The following GRIK2 variants were observed in gnomAD, a reference collection of about 807,000 sequenced individuals.
GRIK2 encodes the protein glutamate ionotropic receptor kainate type subunit 2.
A neutral mutation model predicts 100.3 loss-of-function variants in GRIK2; 32 were observed. The ratio of observed to expected loss-of-function variants is 0.32; its 90% CI spans 0.24 to 0.43. The LOEUF is 0.43. GRIK2 is among the 20% of genes least tolerant of loss of function. The pLI is 1.00. For synonymous variants in GRIK2, 417 were observed against 389.4 expected, an observed-to-expected ratio of 1.07 and a Z score of -0.83; for missense variants, 843 against 1,114.9, an observed-to-expected ratio of 0.76 and a Z score of 3.47.
At chr6:101,609,739 A>G (rs1332721676) in intron 2 of GRIK2, among the ~76,000 whole-genome samples, 1 of 151,864 alleles carries the variant, frequency 6.6e-6, no homozygotes, top group Non-Finnish European at 1.5e-5. Context: ...CCGATAAGTC[A>G]AAGAAGAGTA....
At chr6:101,633,137 A>G (rs1397781909) in intron 4 of GRIK2, among the ~76,000 whole-genome samples, 1 of 152,110 alleles carries the variant, frequency 6.6e-6, no homozygotes, top group African/African-American at 2.4e-5. Flanking sequence ...TTGTACTACC[A>G]AGTCCACCTT....
chr6:101,677,697 G>A (rs1770941074), intron 5 of GRIK2, among the ~76,000 whole-genome samples: 1 of 152,070 alleles, frequency 6.6e-6, no homozygotes, highest in African/African-American at 2.4e-5. Context: ...TGACACCTTT[G>A]TAGCTTGGAA....
intron 10 of GRIK2, among the ~76,000 whole-genome samples, chr6:101,857,777 CT>C (rs748495081): frequency 6.6e-6 from 1 of 152,212 alleles, no homozygotes; most frequent in Non-Finnish European, 1.5e-5. Flanking sequence ...TGCATGGAAT[CT>C]TTTTGCACTT....
At chr6:101,932,061 GTAGGTGTTA>G (rs1790323687) in intron 14 of GRIK2, among the ~76,000 whole-genome samples, 3 of 152,178 alleles carry the variant, frequency 2.0e-5, no homozygotes, top group Admixed American at 2.0e-4. Context: ...GCTATAGCCT[GTAGGTGTTA>G]TGGCTTTTTT....
chr6:101,713,245 A>G (rs1290926036), intron 7 of GRIK2, among the ~76,000 whole-genome samples: 1 of 151,608 alleles, frequency 6.6e-6, no homozygotes, highest in Non-Finnish European at 1.5e-5. Context: ...TGTCATCATT[A>G]CTGATTTGTA....
intron 14 of GRIK2, among the ~76,000 whole-genome samples, chr6:101,936,505 T>C (rs1205617554): frequency 6.6e-6 from 1 of 152,114 alleles, no homozygotes; most frequent in East Asian, 1.9e-4. Flanking sequence ...TTATTATGTC[T>C]TTGATTTATT....
chr6:101,445,593 C>A (rs575175455), intron 2 of GRIK2, among the ~76,000 whole-genome samples: 1 of 152,134 alleles, frequency 6.6e-6, no homozygotes, highest in African/African-American at 2.4e-5. Flanking sequence ...GATCTTCTAC[C>A]AATTTTCTTT....
intron 15 of GRIK2, among the ~76,000 whole-genome samples, chr6:102,044,880 T>G (rs1770798882): frequency 6.6e-6 from 1 of 152,040 alleles, no homozygotes; most frequent in Non-Finnish European, 1.5e-5. Flanking sequence ...TTTCATCTCT[T>G]TACACACTTT....
At chr6:101,431,953 T>C (rs1300093252) in intron 2 of GRIK2, among the ~76,000 whole-genome samples, 1 of 152,168 alleles carries the variant, frequency 6.6e-6, no homozygotes, top group East Asian at 1.9e-4. Context: ...CAAAACATTA[T>C]GCCTCATTAG....
intron 14 of GRIK2, among the ~76,000 whole-genome samples, chr6:101,933,027 C>G (rs1308671973): frequency 1.8e-4 from 28 of 152,064 alleles, no homozygotes; most frequent in Admixed American, 1.8e-3. Flanking sequence ...GCATGCCTCT[C>G]TTCAGACTGA....
At chr6:101,944,478 G>A (rs916364341) in intron 14 of GRIK2, among the ~76,000 whole-genome samples, 4 of 152,060 alleles carry the variant, frequency 2.6e-5, no homozygotes, top group Admixed American at 2.6e-4. Context: ...GATAACAAAT[G>A]TTAATGGTTT....
At chr6:101,936,505 TTTGA>T (rs1790626208) in intron 14 of GRIK2, among the ~76,000 whole-genome samples, 1 of 152,114 alleles carries the variant, frequency 6.6e-6, no homozygotes, top group Non-Finnish European at 1.5e-5. Flanking sequence ...TTATTATGTC[TTTGA>T]TTTATTTGTG....
intron 10 of GRIK2, among the ~76,000 whole-genome samples, chr6:101,829,241 G>T (rs1284430281): frequency 6.6e-6 from 1 of 151,502 alleles, no homozygotes; most frequent in African/African-American, 2.4e-5. Flanking sequence ...AACAAACCAG[G>T]CATTGAAGAA....
intron 10 of GRIK2, among the ~76,000 whole-genome samples, chr6:101,838,532 C>T (rs7750981): frequency 0.11 from 17,250 of 152,134 alleles, 2,758 homozygotes; most frequent in African/African-American, 0.36. Flanking sequence ...GTATTACCTA[C>T]GTATCAATAA....
intron 2 of GRIK2, among the ~76,000 whole-genome samples, chr6:101,442,075 T>C (rs1441344117): frequency 6.6e-6 from 1 of 151,678 alleles, no homozygotes; most frequent in Non-Finnish European, 1.5e-5. Context: ...GAAACGTTGA[T>C]TGAGATTTGA....
intron 7 of GRIK2, among the ~76,000 whole-genome samples, chr6:101,771,552 CTTTAAG>C (rs1375702466): frequency 8.6e-5 from 13 of 150,760 alleles, no homozygotes; most frequent in Non-Finnish European, 1.5e-5. Context: ...TATTATTATA[CTTTAAG>C]TTTTAGGGTA....
chr6:101,418,389 T>C (rs1582404580), intron 2 of GRIK2, among the ~76,000 whole-genome samples: 1 of 152,200 alleles, frequency 6.6e-6, no homozygotes, highest in Non-Finnish European at 1.5e-5. Flanking sequence ...TATGGACTGG[T>C]ACTAGATTAC....
intron 10 of GRIK2, among the ~76,000 whole-genome samples, chr6:101,825,166 A>G (rs1351502251): frequency 6.6e-6 from 1 of 152,190 alleles, no homozygotes; most frequent in Non-Finnish European, 1.5e-5. Context: ...GTCACATATT[A>G]AAATGCGAGA....
chr6:101,522,933 A>AT (rs1438059026), intron 2 of GRIK2, among the ~76,000 whole-genome samples: 1 of 150,572 alleles, frequency 6.6e-6, no homozygotes, highest in African/African-American at 2.4e-5. Flanking sequence ...TTATATATTT[A>AT]ATCTATTTAT....
Sources: gnomAD v4.1 joint callset for allele counts (sites outside exome capture counted in the v4.1 genomes callset) on GRCh38, gnomAD v4.1.1 for gene constraint, MANE v1.5 for transcripts, NCBI Gene and HGNC (gene_info 2026-07-23, HGNC 2026-07-21) for gene names.